HIPK2: variants seen among roughly 807,000 people sequenced by gnomAD.
HIPK2 encodes the protein homeodomain-interacting protein kinase 2.
Under a neutral mutation model 113.7 loss-of-function variants are expected in HIPK2, and 27 were observed. The observed-to-expected ratio is 0.24, with a 90% CI of 0.17 to 0.33. The LOEUF is 0.33. Ranked by LOEUF, HIPK2 falls within the 10% of genes least tolerant of loss-of-function variation. The pLI is 1.00. For synonymous variants in HIPK2, 631 were observed against 642.2 expected, an observed-to-expected ratio of 0.98 and a Z score of 0.26; for missense variants, 1,257 against 1,588.0, an observed-to-expected ratio of 0.79 and a Z score of 3.54.
At chr7:139,770,239 C>T (rs543221354) in intron 1 of HIPK2, among the ~76,000 whole-genome samples, 24 of 152,328 alleles carry the variant, frequency 1.6e-4, no homozygotes, top group Admixed American at 1.2e-3. Context: ...TTTCCACAAT[C>T]GGCAATAAGC....
chr7:139,623,392 T>G (rs113524517), intron 6 of HIPK2, among the ~76,000 whole-genome samples: 103 of 151,780 alleles, frequency 6.8e-4, no homozygotes, highest in Middle Eastern at 3.4e-3. Flanking sequence ...TGCCTGCAGT[T>G]CCAGCTACTC....
chr7:139,580,276 G>T (rs1798625951), intron 13 of HIPK2, among the ~76,000 whole-genome samples: 4 of 152,202 alleles, frequency 2.6e-5, no homozygotes. Context: ...AGGGATCAGT[G>T]AAGGGGTTAG....
chr7:139,687,002 G>A lies in HIPK2; in HGVS notation c.1103+28930C>T, dbSNP rs542351948. The stretch of plus-strand genomic sequence containing the variant: ...TCCACCATCCTGATCAGTCAGCAAC[G>A]ATTGACATCGAGGTAAGACCCTCCA... On this transcript the variant is annotated intron_variant, in intron 2 of 14. Coordinates refer to ENST00000406875, the MANE Select transcript of HIPK2 (RefSeq NM_022740.5). Among the ~76,000 whole-genome samples, 13 of 152,340 alleles carry A rather than the reference G, an allele frequency of 8.5e-5. No individual in the cohort carries two copies. The East Asian group carries it at 2.1e-3, about 25-fold the overall frequency.
intron 1 of HIPK2, among the ~76,000 whole-genome samples, chr7:139,748,601 T>C (rs1050285886): frequency 6.6e-6 from 1 of 152,002 alleles, no homozygotes; most frequent in Non-Finnish European, 1.5e-5. Context: ...ATGGTCCCTG[T>C]GGGCGTGTCT....
rs1797963640 is a variant in HIPK2, at chr7:139,562,085, A to G, written c.*10842T>C. On this transcript the variant is annotated 3_prime_UTR_variant, in exon 15 of 15. Transcript: ENST00000406875. ...AGGAATAGGTTACATATAGGTCTAC[A>G]ACACATTGGTTTGTCTTTAAAAAAA... The G allele has an allele frequency of 6.6e-6, 1 of 152,242 alleles. No homozygotes were observed. The highest frequency in any genetic ancestry group is 1.9e-4 in the East Asian group (1 of 5,206). The allele number at this position is 152,242 out of a possible 1,614,324, so 9.4% of individuals were successfully genotyped here.
rs1038630445 is a variant in HIPK2 at position 139,573,017 on chromosome 7, G to C, written c.3507C>G (p.His1169Gln). The change falls in exon 15 of 15, where the codon CAC (histidine) becomes CAG (glutamine). Residue 1169 changes from histidine (H) to glutamine (Q), a missense_variant. This residue lies in a region of HIPK2 where 862 missense variants were observed against 1,004.3 expected (regional missense o/e 0.86). Coordinates refer to ENST00000406875, the MANE Select transcript of HIPK2 (RefSeq NM_022740.5). ...HPSQYPAQFA[H>Q]QTYISASPAS... ...CTGGCGAGGCGCTGATGTAGGTCTG[G>C]TGGGCAAATTGGGCTGGATACTGAC... 2.5e-6 allele frequency: 4 copies of C among 1,612,744 alleles called. No individual in the cohort carries two copies. The highest frequency in any genetic ancestry group is 3.4e-6 in the Non-Finnish European group (4 of 1,179,474).
At chr7:139,667,371 A>C (rs183085300) in intron 2 of HIPK2, among the ~76,000 whole-genome samples, 1 of 152,350 alleles carries the variant, frequency 6.6e-6, no homozygotes, top group African/African-American at 2.4e-5. Context: ...TAAAAAATTA[A>C]TTACTTATAA....
rs1798199025 is a variant in HIPK2, at chr7:139,569,580, T to TG, written c.*3346dup. ...CACCTGACGTCGCATCCCAGGCCTC[T>TG]GGGATCTAGAAAATGACAACCTTGA... On this transcript the variant is annotated 3_prime_UTR_variant, in exon 15 of 15. Transcript: ENST00000406875. 1 of 152,200 alleles carries TG rather than the reference T, an allele frequency of 6.6e-6. No individual in the cohort carries two copies. The highest frequency in any genetic ancestry group is 2.4e-5 in the African/African-American group (1 of 41,442). The allele number at this position is 152,200 out of a possible 1,614,324, so 9.4% of individuals were successfully genotyped here. A position where few individuals can be genotyped will look rare whatever the true frequency, so the allele number is the denominator to read the frequency against.
chr7:139,656,077 A>C (rs1801657971), intron 2 of HIPK2, among the ~76,000 whole-genome samples: 1 of 151,676 alleles, frequency 6.6e-6, no homozygotes, highest in Non-Finnish European at 1.5e-5. Flanking sequence ...GTCTCTGCTC[A>C]TTTCTCCCAT....
intron 1 of HIPK2, among the ~76,000 whole-genome samples, chr7:139,763,958 G>T (rs1796512955): frequency 1.3e-5 from 2 of 152,146 alleles, no homozygotes; most frequent in African/African-American, 4.8e-5. Context: ...TTTTGTTGGT[G>T]ATTTTGCTGT....
intron 12 of HIPK2, among the ~76,000 whole-genome samples, chr7:139,584,590 G>A (rs1281848247): frequency 6.6e-6 from 1 of 152,246 alleles, no homozygotes; most frequent in African/African-American, 2.4e-5. Flanking sequence ...GGGATGCAGC[G>A]TGAGGCTCTG....
chr7:139,773,396 C>T (rs1044685937), intron 1 of HIPK2, among the ~76,000 whole-genome samples: 16 of 152,156 alleles, frequency 1.1e-4, no homozygotes, highest in Non-Finnish European at 1.8e-4. Context: ...CACATCCCAT[C>T]GGTGGTTATA....
chr7:139,695,536 A>C (rs1181960785), intron 2 of HIPK2, among the ~76,000 whole-genome samples: 2 of 152,248 alleles, frequency 1.3e-5, no homozygotes, highest in Non-Finnish European at 2.9e-5. Context: ...TTTAAGCTTG[A>C]GGACATTAAA....
intron 1 of HIPK2, among the ~76,000 whole-genome samples, chr7:139,745,503 C>T (rs1051851447): frequency 9.9e-5 from 15 of 152,176 alleles, no homozygotes; most frequent in African/African-American, 3.1e-4. Flanking sequence ...CGCAGGGCCT[C>T]GAGGACTCTA....
intron 1 of HIPK2, among the ~76,000 whole-genome samples, chr7:139,730,342 A>G (rs1172497484): frequency 2.0e-5 from 3 of 150,770 alleles, no homozygotes; most frequent in African/African-American, 7.3e-5. Flanking sequence ...TCTTGTTACC[A>G]TGTCACTGCA....
At chr7:139,715,325 C>T (rs1294815223) in intron 2 of HIPK2, among the ~76,000 whole-genome samples, 2 of 152,236 alleles carry the variant, frequency 1.3e-5, no homozygotes, top group Non-Finnish European at 2.9e-5. Context: ...CAGCTGGCCC[C>T]AGACTAGTCT....
chr7:139,738,272 T>C (rs139686639), intron 1 of HIPK2, among the ~76,000 whole-genome samples: 1 of 152,238 alleles, frequency 6.6e-6, no homozygotes, highest in Non-Finnish European at 1.5e-5. Context: ...CTGTACCATG[T>C]ATGAGAGCGC....
In HIPK2 at chr7:139,653,977, C is replaced by T. The variant is rs367768799; in HGVS notation, c.1104-22252G>A. On this transcript the variant is annotated intron_variant, in intron 2 of 14. Coordinates refer to ENST00000406875, the MANE Select transcript of HIPK2 (RefSeq NM_022740.5). ...CAAACTCCTGACCTCAAGTGATCTG[C>T]CTGCCTCGGCCTCCCAAAGTGCTAG... Among the ~76,000 whole-genome samples the T allele has an allele frequency of 2.3e-4, 35 of 152,258 alleles. No individual in the cohort carries two copies. The South Asian group carries it at 5.6e-3, about 24-fold the overall frequency.
At chr7:139,646,316 T>C (rs1801221178) in intron 2 of HIPK2, among the ~76,000 whole-genome samples, 1 of 151,858 alleles carries the variant, frequency 6.6e-6, no homozygotes, top group Non-Finnish European at 1.5e-5. Flanking sequence ...GGCAACATAG[T>C]AAGACTCCGT....
Sources: allele counts gnomAD v4.1 joint callset (sites outside exome capture counted in the v4.1 genomes callset), GRCh38; gene constraint gnomAD v4.1.1; regional missense constraint gnomAD v4.1.1; transcripts MANE v1.5; gene names NCBI Gene and HGNC (gene_info 2026-07-23, HGNC 2026-07-21).